NEDD4L: variants seen among roughly 807,000 people sequenced by gnomAD.
The protein encoded by NEDD4L is E3 ubiquitin-protein ligase NEDD4-like.
In NEDD4L, 54 loss-of-function variants were observed where a neutral mutation model predicts 148.9. The ratio of observed to expected loss-of-function variants is 0.36; its 90% CI spans 0.29 to 0.45. The LOEUF (loss-of-function observed/expected upper bound fraction) is 0.45. NEDD4L is among the 20% of genes least tolerant of loss of function. The pLI is 1.00. For synonymous variants in NEDD4L, 433 were observed against 440.7 expected, an observed-to-expected ratio of 0.98 and a Z score of 0.22; for missense variants, 856 against 1,233.8, an observed-to-expected ratio of 0.69 and a Z score of 4.59.
At chr18:58,095,583 G>T (rs1029405189) in intron 1 of NEDD4L, among the ~76,000 whole-genome samples, 1 of 152,206 alleles carries the variant, frequency 6.6e-6, no homozygotes, top group East Asian at 1.9e-4. Flanking sequence ...AGCTGTGGCC[G>T]CCTTGGTTGG....
rs73454663 is a variant in NEDD4L at position 58,256,318 on chromosome 18, C to A, written c.297+4264C>A. 7,626 of 1,231,904 alleles carry A rather than the reference C, an allele frequency of 6.2e-3. 378 individuals carry two copies. In the African/African-American group the frequency reaches 0.1, roughly 16 times the overall value. 76.3% of individuals were successfully genotyped at this position (1,231,904 alleles called of 1,614,324 possible). A position where few individuals can be genotyped will look rare whatever the true frequency, so the allele number is the denominator to read the frequency against. On this transcript the variant is annotated intron_variant, in intron 5 of 30. Transcript: ENST00000400345. The surrounding 1 kb of genome is among the most constrained non-coding windows in gnomAD (Gnocchi z 5.2). The stretch of plus-strand genomic sequence containing the variant: ...CCGCGGCAGAGCCCAGGCGCTGGTC[C>A]CTGCAGCACGTTCCAGATGCTTCTG...
At chr18:58,084,952 C>T (rs570506738) in intron 1 of NEDD4L, among the ~76,000 whole-genome samples, 1 of 151,900 alleles carries the variant, frequency 6.6e-6, no homozygotes, top group African/African-American at 2.4e-5. Context: ...ACCTCAGCCC[C>T]CCAACATGCT....
At chr18:58,279,851 A>C (rs983789274) in intron 5 of NEDD4L, among the ~76,000 whole-genome samples, 1 of 152,210 alleles carries the variant, frequency 6.6e-6, no homozygotes, top group South Asian at 2.1e-4. Flanking sequence ...ACAAGTTTCT[A>C]AAGTACATTC....
chr18:58,286,904 A>C (rs8093609), intron 5 of NEDD4L, among the ~76,000 whole-genome samples: 35,355 of 152,078 alleles, frequency 0.23, 4,570 homozygotes, highest in African/African-American at 0.34. Flanking sequence ...TATGGTTGCC[A>C]GTAGAGATTT....
chr18:58,157,210 A>T (rs2146433035), intron 1 of NEDD4L, among the ~76,000 whole-genome samples: 1 of 151,878 alleles, frequency 6.6e-6, no homozygotes, highest in African/African-American at 2.4e-5. Context: ...AAAGAAAAAT[A>T]AGAAAAAGAA....
intron 1 of NEDD4L, among the ~76,000 whole-genome samples, chr18:58,099,220 A>C (rs1192225277): frequency 1.3e-5 from 2 of 150,728 alleles, no homozygotes; most frequent in African/African-American, 4.9e-5. Flanking sequence ...TTTCTCTTGC[A>C]CAGGCTGAAG....
At chr18:58,140,918 A>G (rs1269954104) in intron 1 of NEDD4L, among the ~76,000 whole-genome samples, 1 of 152,198 alleles carries the variant, frequency 6.6e-6, no homozygotes, top group African/African-American at 2.4e-5. Flanking sequence ...TCCGATAACT[A>G]TCACGTTGTC....
rs573965022 is a variant in NEDD4L at position 58,369,949 on chromosome 18, A to G, written c.2186-448A>G. Among the ~76,000 whole-genome samples the G allele has an allele frequency of 5.3e-5, 8 of 151,478 alleles. No individual in the cohort carries two copies. The South Asian group carries it at 1.7e-3, about 32-fold the overall frequency. ...TGGAATTTCACCTGGCCTTTCACTG[A>G]CTCCCCACTGCCCTCAGAGAGCACC... is the stretch of plus-strand genomic sequence containing the variant. On this transcript the variant is annotated intron_variant, in intron 22 of 30. Transcript: ENST00000400345.
At chr18:58,054,427 G>T (rs2082007870) in intron 1 of NEDD4L, among the ~76,000 whole-genome samples, 1 of 152,138 alleles carries the variant, frequency 6.6e-6, no homozygotes, top group Non-Finnish European at 1.5e-5. Flanking sequence ...GGAGTGCAAG[G>T]TTTAAAGGAA....
chr18:58,071,336 C>T (rs1038652482), intron 1 of NEDD4L, among the ~76,000 whole-genome samples: 4 of 151,508 alleles, frequency 2.6e-5, no homozygotes, highest in Non-Finnish European at 5.9e-5. Flanking sequence ...TATTGGGTGA[C>T]CAAACAGAGA....
Position 58,335,507 on chromosome 18 carries a change from A to C in NEDD4L, c.1095A>C (p.Ser365=). Residue 365 remains serine (S), a synonymous_variant, in exon 13 of 31, where the codon TCA becomes TCC. Coordinates refer to ENST00000400345, the MANE Select transcript of NEDD4L (RefSeq NM_001144967.3). ...GTGCCCCAGCTGGGAGAGCGCGTTC[A>C]TCAACTGTCACGGGTGGTGAGGAAC... The part of the protein sequence containing the change: ...PPSAPAGRAR[S]STVTGGEEPT... The C allele has an allele frequency of 6.2e-7, 1 of 1,613,690 alleles. No homozygotes were observed. The highest frequency in any genetic ancestry group is 8.5e-7 in the Non-Finnish European group (1 of 1,179,648).
chr18:58,224,757 C>T (rs980860286), intron 2 of NEDD4L, among the ~76,000 whole-genome samples: 5 of 152,304 alleles, frequency 3.3e-5, no homozygotes, highest in Admixed American at 1.3e-4. Flanking sequence ...GTCTCTTGTG[C>T]TAGACATTGA....
intron 5 of NEDD4L, among the ~76,000 whole-genome samples, chr18:58,308,113 C>T (rs1301144696): frequency 1.3e-5 from 2 of 152,200 alleles, no homozygotes; most frequent in Non-Finnish European, 2.9e-5. Flanking sequence ...CCCAGTGACA[C>T]ATTTTCCTTC....
chr18:58,068,677 T>G (rs985276921), intron 1 of NEDD4L, among the ~76,000 whole-genome samples: 3 of 152,200 alleles, frequency 2.0e-5, no homozygotes, highest in Non-Finnish European at 2.9e-5. Context: ...TCTACTGTCT[T>G]GGGTTGGTTA....
At chr18:58,309,116 C>A (rs1405583410) in intron 5 of NEDD4L, among the ~76,000 whole-genome samples, 1 of 152,202 alleles carries the variant, frequency 6.6e-6, no homozygotes, top group Non-Finnish European at 1.5e-5. Context: ...TTCACTTGCC[C>A]TGGGAGACTG....
chr18:58,363,175 G>A (rs572136325), intron 19 of NEDD4L, among the ~76,000 whole-genome samples: 11 of 152,144 alleles, frequency 7.2e-5, no homozygotes, highest in South Asian at 2.1e-4. Flanking sequence ...GTTTTGTTTC[G>A]GGTTTTTTAT....
intron 5 of NEDD4L, among the ~76,000 whole-genome samples, chr18:58,261,733 G>A (rs1600385316): frequency 2.0e-5 from 3 of 152,152 alleles, no homozygotes; most frequent in Admixed American, 6.6e-5. Flanking sequence ...TAGTTGAGGC[G>A]AATCTAAATG....
rs148986047 is a variant in NEDD4L, at chr18:58,106,644, G to T, written c.49-59144G>T. On this transcript the variant is annotated intron_variant, in intron 1 of 30. Transcript: ENST00000400345. ...CATAGGGTTGTTATGAAGATTAAATGATTTAAAGTATGCAGAGTGCTAAGA... is the reference window on the plus strand; with the variant it reads ...CATAGGGTTGTTATGAAGATTAAATTATTTAAAGTATGCAGAGTGCTAAGA... 6.4e-3 allele frequency among the ~76,000 whole-genome samples: 982 copies of T among 152,274 alleles called. 8 individuals carry two copies. The highest frequency in any genetic ancestry group is 9.1e-3 in the Non-Finnish European group (617 of 68,022).
intron 1 of NEDD4L, among the ~76,000 whole-genome samples, chr18:58,150,575 C>T (rs2034601591): frequency 6.6e-6 from 1 of 151,694 alleles, no homozygotes; most frequent in Non-Finnish European, 1.5e-5. Flanking sequence ...GTTTCCTGTG[C>T]TTAAAAGGAG....
Sources: allele counts gnomAD v4.1 joint callset (sites outside exome capture counted in the v4.1 genomes callset), GRCh38; gene constraint gnomAD v4.1.1; non-coding constraint Gnocchi (gnomAD v3.1); transcripts MANE v1.5; gene names NCBI Gene and HGNC (gene_info 2026-07-23, HGNC 2026-07-21).